The following SLC25A26 variants were observed in gnomAD, a reference collection of about 807,000 sequenced individuals.
SLC25A26 encodes solute carrier family 25 member 26, also known as mitochondrial S-adenosylmethionine carrier protein.
Under a neutral mutation model 37.8 loss-of-function variants are expected in SLC25A26, and 36 were observed. The observed-to-expected ratio is 0.95, with a 90% CI of 0.73 to 1.26. The LOEUF is 1.26. Among genes scored for constraint, SLC25A26 ranks in the 50% most tolerant of loss-of-function variants. The pLI, the probability that SLC25A26 is intolerant of heterozygous loss-of-function variation, is 0.00. For missense variants in SLC25A26, 390 were observed against 331.1 expected, an observed-to-expected ratio of 1.18 and a Z score of -1.38; for synonymous variants, 129 against 122.5, an observed-to-expected ratio of 1.05 and a Z score of -0.35.
rs1012399335 is a variant in SLC25A26, at chr3:66,287,203, G to A, written c.453+23824G>A. ...CCCAGCTACTCAGGAGGCTGAGGCAGGAGAATAGCGTGAACCTGGGAGGCG... is the reference window on the plus strand; with the variant it reads ...CCCAGCTACTCAGGAGGCTGAGGCAAGAGAATAGCGTGAACCTGGGAGGCG... On this transcript the variant is annotated intron_variant, in intron 5 of 9. Coordinates refer to ENST00000354883, the MANE Select transcript of SLC25A26 (RefSeq NM_001379210.1). Among the ~76,000 whole-genome samples, 9 of 152,020 alleles carry A rather than the reference G, an allele frequency of 5.9e-5. No individual in the cohort carries two copies. In the East Asian group the frequency reaches 1.8e-3, roughly 30 times the overall value.
At chr3:66,327,012 C>T (rs1212551182) in intron 5 of SLC25A26, among the ~76,000 whole-genome samples, 2 of 152,160 alleles carry the variant, frequency 1.3e-5, no homozygotes, top group African/African-American at 4.8e-5. Context: ...AAGCATTTTA[C>T]AAATTACCAT....
chr3:66,174,741 G>C (rs371716673), intron 1 of SLC25A26, among the ~76,000 whole-genome samples: 1 of 151,066 alleles, frequency 6.6e-6, no homozygotes, highest in South Asian at 2.1e-4. Flanking sequence ...AGCCGAGATC[G>C]CGCCACTGCA....
rs933834644 is a variant in SLC25A26 at position 66,292,531 on chromosome 3, G to A, written c.453+29152G>A. Among the ~76,000 whole-genome samples, 3 of 152,080 alleles carry A rather than the reference G, an allele frequency of 2.0e-5. No individual in the cohort carries two copies. The East Asian group carries it at 5.8e-4, about 29-fold the overall frequency. The stretch of plus-strand genomic sequence containing the variant: ...CTCTCAGCATTTGCTTGTCCATAAA[G>A]GATTTTATTTCTCCTTTGCTTATGA... On this transcript the variant is annotated intron_variant, in intron 5 of 9. Transcript: ENST00000354883.
intron 5 of SLC25A26, among the ~76,000 whole-genome samples, chr3:66,329,166 T>C (rs2107673117): frequency 6.6e-6 from 1 of 152,328 alleles, no homozygotes; most frequent in Admixed American, 6.5e-5. Context: ...CGGTGGCCCT[T>C]TCAGTAAAAT....
chr3:66,180,026 T>C (rs1337533917), intron 1 of SLC25A26, among the ~76,000 whole-genome samples: 1 of 140,002 alleles, frequency 7.1e-6, no homozygotes, highest in Non-Finnish European at 1.6e-5. Flanking sequence ...GGAGATGCAT[T>C]GCAAAACCCT....
At chr3:66,145,798 C>T (rs1409885928) in intron 1 of SLC25A26, among the ~76,000 whole-genome samples, 2 of 151,966 alleles carry the variant, frequency 1.3e-5, no homozygotes, top group African/African-American at 4.8e-5. Context: ...AAAAATATTC[C>T]TCACATTTAT....
chr3:66,328,581 C>T (rs571698594), intron 5 of SLC25A26, among the ~76,000 whole-genome samples: 1 of 152,150 alleles, frequency 6.6e-6, no homozygotes, highest in African/African-American at 2.4e-5. Flanking sequence ...CTCCATTCAT[C>T]GACAGCTGCT....
chr3:66,232,482 C>G (rs1024741964), intron 1 of SLC25A26, among the ~76,000 whole-genome samples: 2 of 152,256 alleles, frequency 1.3e-5, no homozygotes, highest in African/African-American at 4.8e-5. Context: ...TATTAGTAAA[C>G]AAAACAGATA....
chr3:66,373,703 G>A (rs1700480161), intron 9 of SLC25A26, among the ~76,000 whole-genome samples: 1 of 149,334 alleles, frequency 6.7e-6, no homozygotes, highest in South Asian at 2.1e-4. Flanking sequence ...AGCAAGTGTA[G>A]TTTGGTTTTC....
intron 1 of SLC25A26, among the ~76,000 whole-genome samples, chr3:66,204,444 AAAAG>A (rs2071151202): frequency 2.0e-5 from 3 of 149,206 alleles, no homozygotes; most frequent in Non-Finnish European, 4.5e-5. Context: ...AAAAAAGAAA[AAAAG>A]AAAAAAGAAA....
intron 1 of SLC25A26, among the ~76,000 whole-genome samples, chr3:66,202,092 G>A (rs1197573761): frequency 6.6e-6 from 1 of 152,088 alleles, no homozygotes; most frequent in Non-Finnish European, 1.5e-5. Flanking sequence ...ATTTACAATA[G>A]CAAAGACTTG....
chr3:66,207,820 T>A (rs1432409657), intron 1 of SLC25A26, among the ~76,000 whole-genome samples: 3 of 152,198 alleles, frequency 2.0e-5, no homozygotes, highest in African/African-American at 7.2e-5. Flanking sequence ...TACAGGAAAT[T>A]GCAGAAATTA....
chr3:66,296,517 C>T (rs576014290), intron 5 of SLC25A26, among the ~76,000 whole-genome samples: 1 of 152,114 alleles, frequency 6.6e-6, no homozygotes, highest in Non-Finnish European at 1.5e-5. Context: ...TTTAAATAAT[C>T]AGTTTTAAGA....
At chr3:66,374,540 T>A (rs574901701) in intron 9 of SLC25A26, among the ~76,000 whole-genome samples, 8 of 152,342 alleles carry the variant, frequency 5.3e-5, no homozygotes, top group Middle Eastern at 3.4e-3. Context: ...AATCCTCCAG[T>A]GGCCTCTAAG....
At chr3:66,184,000 C>G (rs1016136791) in intron 1 of SLC25A26, among the ~76,000 whole-genome samples, 7 of 152,032 alleles carry the variant, frequency 4.6e-5, no homozygotes, top group Admixed American at 3.9e-4. Flanking sequence ...ATACTCTTAC[C>G]CTTACCCTTT....
intron 1 of SLC25A26, among the ~76,000 whole-genome samples, chr3:66,139,109 A>G (rs528227658): frequency 4.6e-5 from 7 of 151,806 alleles, no homozygotes; most frequent in African/African-American, 1.7e-4. Context: ...TTTCCTTTCA[A>G]GATTCTTATG....
At chr3:66,182,941 G>A (rs779194183) in intron 1 of SLC25A26, among the ~76,000 whole-genome samples, 2 of 152,070 alleles carry the variant, frequency 1.3e-5, no homozygotes, top group African/African-American at 2.4e-5. Flanking sequence ...TCTTCAGGTC[G>A]GTCTTTCCAA....
At chr3:66,366,371 C>T (rs2076824830) in intron 7 of SLC25A26, among the ~76,000 whole-genome samples, 1 of 152,152 alleles carries the variant, frequency 6.6e-6, no homozygotes, top group East Asian at 1.9e-4. Flanking sequence ...TTATTCTATT[C>T]TATTATCTTC....
intron 5 of SLC25A26, among the ~76,000 whole-genome samples, chr3:66,281,914 C>T (rs138370415): frequency 0.037 from 5,595 of 150,572 alleles, 349 homozygotes; most frequent in African/African-American, 0.13. Context: ...CCTCCGCCTC[C>T]CAGGTTCAAG....
Sources: allele counts gnomAD v4.1 joint callset (sites outside exome capture counted in the v4.1 genomes callset), GRCh38; gene constraint gnomAD v4.1.1; transcripts MANE v1.5; gene names NCBI Gene and HGNC (gene_info 2026-07-23, HGNC 2026-07-21).